The following CORO1B variants were observed in gnomAD, a reference collection of about 807,000 sequenced individuals.
CORO1B encodes the protein coronin-1B.
Under a neutral mutation model 51.1 loss-of-function variants are expected in CORO1B, and 30 were observed. The ratio of observed to expected loss-of-function variants is 0.59; its 90% confidence interval spans 0.44 to 0.80. The LOEUF (loss-of-function observed/expected upper bound fraction) is 0.80. Among genes scored for constraint, CORO1B ranks in the 30% least tolerant of loss-of-function variants. CORO1B has a pLI of 0.00. For synonymous variants in CORO1B, 310 were observed against 289.7 expected (o/e 1.07, Z -0.71); for missense variants, 648 against 700.4 (o/e 0.93, Z 0.84).
Position 67,438,496 on chromosome 11 carries a change from A to C in CORO1B, c.1350T>G (p.Ala450=). The C allele has an allele frequency of 6.2e-7, 1 of 1,607,942 alleles. No individual in the cohort carries two copies. The highest frequency in any genetic ancestry group is 8.5e-7 in the Non-Finnish European group (1 of 1,176,534). The change falls in exon 11 of 11, where the codon GCT becomes GCG. Residue 450 remains alanine (A), a synonymous_variant. Transcript: ENST00000341356. ...PSGSLARAGE[A]GKLEEVMQEL... ...CCTGCATCACCTCCTCCAGCTTCCCAGCCTCCTGTGGGGACATGAAGCAGG... is the reference window on the plus strand; with the variant it reads ...CCTGCATCACCTCCTCCAGCTTCCCCGCCTCCTGTGGGGACATGAAGCAGG...
chr11:67,438,961 G>C lies in CORO1B; in HGVS notation c.1066-12C>G. The C allele has an allele frequency of 6.3e-7, 1 of 1,593,156 alleles. No homozygotes were observed. The highest frequency in any genetic ancestry group is 1.3e-5 in the African/African-American group (1 of 74,798). ...TGGAAGAGGTCCGACTGGGCAGGGGGCCGGGGAGGTCAGGATCAGTTAGGA... is the reference window on the plus strand; with the variant it reads ...TGGAAGAGGTCCGACTGGGCAGGGGCCCGGGGAGGTCAGGATCAGTTAGGA... On this transcript the variant is annotated splice_polypyrimidine_tract_variant and intron_variant, in intron 9 of 10. Coordinates refer to ENST00000341356, the MANE Select transcript of CORO1B (RefSeq NM_020441.3).
intron 1 of CORO1B, 90 bp downstream of exon 1, chr11:67,443,314 C>T: frequency 4.5e-6 from 1 of 224,296 alleles, no homozygotes; most frequent in Non-Finnish European, 7.5e-6. Flanking sequence ...TCCTGGGACC[C>T]GCGATCCCCC....
chr11:67,442,162 A>C, intron 2 of CORO1B, 74 bp from the exon 3 acceptor site: 1 of 1,579,470 alleles, frequency 6.3e-7, no homozygotes, highest in Non-Finnish European at 8.6e-7. Flanking sequence ...TGGAGTGGGA[A>C]TGACATGCAC....
At chr11:67,441,608 A>G (rs1174069368) in intron 4 of CORO1B, 94 bp from the exon 5 acceptor site, 9 of 1,538,756 alleles carry the variant, frequency 5.8e-6, no homozygotes, top group African/African-American at 1.4e-5. Flanking sequence ...ACCCTGGGAC[A>G]GACGGGTCTC....
At position 67,436,128 on chromosome 11, in the gene CORO1B, C is replaced by T. The variant is rs947726520; in HGVS notation, c.*2248G>A. The T allele has an allele frequency of 6.3e-7, 1 of 1,589,154 alleles. No individual in the cohort carries two copies. Among genetic ancestry groups the T allele is most frequent in the South Asian group, 1.1e-5 (1 of 88,380 alleles). ...GCCCAGAGCAGGCGCCGCGTGCGGCCCCACAGCGCGGCACCTAGGCGGGCC... is the reference window on the plus strand; with the variant it reads ...GCCCAGAGCAGGCGCCGCGTGCGGCTCCACAGCGCGGCACCTAGGCGGGCC... On this transcript the variant is annotated 3_prime_UTR_variant, in exon 11 of 11. Transcript: ENST00000341356.
At chr11:67,442,133 G>A in intron 2 of CORO1B, 45 bp from the exon 3 acceptor site, 1 of 1,594,068 alleles carries the variant, frequency 6.3e-7, no homozygotes. Flanking sequence ...CCCTCCCGAA[G>A]CCTTGGTCTT....
chr11:67,438,045 C>T lies in CORO1B; in HGVS notation c.*331G>A. The T allele has an allele frequency of 2.8e-6, 1 of 358,666 alleles. No individual in the cohort carries two copies. The highest frequency in any genetic ancestry group is 4.4e-5 in the Admixed American group (1 of 22,888). 22.2% of individuals were successfully genotyped at this position (358,666 alleles called of 1,614,324 possible). On this transcript the variant is annotated 3_prime_UTR_variant, in exon 11 of 11. Coordinates refer to ENST00000341356, the MANE Select transcript of CORO1B (RefSeq NM_020441.3). The stretch of plus-strand genomic sequence containing the variant: ...CCCCACCCTTGCAGCAGCAGGTCAG[C>T]CTGGCTTTTAGAAAGAGAATTTTAT...
chr11:67,439,746 GGA>G, intron 9 of CORO1B, 38 bp downstream of exon 9: 1 of 1,556,166 alleles, frequency 6.4e-7, no homozygotes, highest in Non-Finnish European at 8.7e-7. Context: ...CCCGCTTGCT[GGA>G]GAAAGGGCCA....
intron 1 of CORO1B, 75 bp downstream of exon 1, chr11:67,443,320 CCCCCCTCAG>C (rs562540870): frequency 0.042 from 9,764 of 234,090 alleles, 250 homozygotes; most frequent in Non-Finnish European, 0.057. Flanking sequence ...GACCCGCGAT[CCCCCCTCAG>C]CCCCCTCAGC....
rs748043438 is a variant in CORO1B, at chr11:67,442,106, C to T, written c.202-18G>A. 8 of 1,605,482 alleles carry T rather than the reference C, an allele frequency of 5.0e-6. No homozygotes were observed. In the South Asian group the frequency reaches 8.8e-5, roughly 18 times the overall value. ...CGGCCCGTCTGTGGGCACGAGGGGG[C>T]AGTCAGTGGGCTCCATCCCTCCCGA... On this transcript the variant is annotated intron_variant, in intron 2 of 10. Transcript: ENST00000341356.
chr11:67,442,236 T>G (rs1466316516), intron 2 of CORO1B, 148 bp from the exon 3 acceptor site: 7 of 1,409,774 alleles, frequency 5.0e-6, no homozygotes, highest in African/African-American at 2.8e-5. Context: ...AGGAAATGTT[T>G]GCTGCCTCTA....
rs141116917 is a variant in CORO1B, at chr11:67,435,558, TGG to T, written c.*2816_*2817del. The T allele has an allele frequency of 2.1e-6, 2 of 932,506 alleles. No homozygotes were observed. The highest frequency in any genetic ancestry group is 3.1e-6 in the Non-Finnish European group (2 of 653,316). 57.8% of individuals were successfully genotyped at this position (932,506 alleles called of 1,614,324 possible). A position where few individuals can be genotyped will look rare whatever the true frequency, so the allele number is the denominator to read the frequency against. On this transcript the variant is annotated 3_prime_UTR_variant, in exon 11 of 11. Transcript: ENST00000341356. ...CAAATGGTTGCCTGATGCCTGTGGT[TGG>T]GGGGGGCCGTTCCCGTGGTGAGCGG...
chr11:67,442,268 G>T (rs879798260), intron 2 of CORO1B, among the ~76,000 whole-genome samples, 160 bp downstream of exon 2: 1 of 152,232 alleles, frequency 6.6e-6, no homozygotes. Flanking sequence ...ATGGCAACAG[G>T]CTACTTTCCA....
chr11:67,441,972 C>A lies in CORO1B; in HGVS notation c.318G>T (p.Thr106=). 1.9e-6 allele frequency: 3 copies of A among 1,613,136 alleles called. No homozygotes were observed. Among genetic ancestry groups the A allele is most frequent in the Non-Finnish European group, 2.5e-6 (3 of 1,180,020 alleles). Residue 106 remains threonine (T), a synonymous_variant, in exon 3 of 11, where the codon ACG becomes ACT. Transcript: ENST00000341356. ...AGCCAGTCCTGTGCCTCACCATGAC[C>A]GTGCAGTCCTCCGAGCCGCTGGCTA... The part of the protein sequence containing the change: ...EVIASGSEDC[T]VMVWQIPENG...
chr11:67,438,533 G>T (rs375600023), intron 10 of CORO1B, 32 bp from the exon 11 acceptor site: 116 of 1,587,256 alleles, frequency 7.3e-5, no homozygotes, highest in Middle Eastern at 3.4e-4. Flanking sequence ...GTAGGGGGCG[G>T]TGGTCAGGGG....
intron 8 of CORO1B, 88 bp from the exon 9 acceptor site, chr11:67,439,931 C>T (rs1036834011): frequency 2.6e-5 from 38 of 1,464,278 alleles, no homozygotes; most frequent in Non-Finnish European, 3.2e-5. Context: ...ACTTCCAGTC[C>T]TCACCCCAGG....
chr11:67,443,729 C>G (rs1864443056), upstream of CORO1B: 7 of 985,280 alleles, frequency 7.1e-6, no homozygotes, highest in Non-Finnish European at 8.4e-6. Context: ...CGCAGAGGCG[C>G]CGCAGGTGCG....
rs533383031 is a variant in CORO1B at position 67,436,561 on chromosome 11, C to T, written c.*1815G>A. On this transcript the variant is annotated 3_prime_UTR_variant, in exon 11 of 11. Coordinates refer to ENST00000341356, the MANE Select transcript of CORO1B (RefSeq NM_020441.3). The stretch of plus-strand genomic sequence containing the variant: ...CCTCCAGCCTCCTCCCTACCACTCA[C>T]CTCCCCCAACAGCTGCATTAAGCCA... The T allele has an allele frequency of 1.8e-4, 88 of 486,672 alleles. 1 individual carries two copies. In the South Asian group the frequency reaches 4.3e-3, roughly 24 times the overall value. The allele number at this position is 486,672 out of a possible 1,614,324, so 30.1% of individuals were successfully genotyped here.
At position 67,437,637 on chromosome 11, in the gene CORO1B, C is replaced by A; in HGVS notation, c.*739G>T. 13 of 1,366,890 alleles carry A rather than the reference C, an allele frequency of 9.5e-6. No homozygotes were observed. The highest frequency in any genetic ancestry group is 2.1e-5 in the South Asian group (1 of 47,742). 84.7% of individuals were successfully genotyped at this position (1,366,890 alleles called of 1,614,324 possible). A position where few individuals can be genotyped will look rare whatever the true frequency, so the allele number is the denominator to read the frequency against. On this transcript the variant is annotated 3_prime_UTR_variant, in exon 11 of 11. Transcript: ENST00000341356. ...CTTACCATTGGTCCGCAGGCCCCTC[C>A]GTGCCGGGCACCCACCTCCAGCTCT...
Sources: allele counts gnomAD v4.1 joint callset (sites outside exome capture counted in the v4.1 genomes callset), GRCh38; gene constraint gnomAD v4.1.1; transcripts MANE v1.5; gene names NCBI Gene and HGNC (gene_info 2026-07-23, HGNC 2026-07-21).